The following TENT5D variants were observed in gnomAD, a reference collection of about 807,000 sequenced individuals.
TENT5D encodes the protein cancer/testis antigen 112.
For synonymous variants in TENT5D, 103 were observed against 100.6 expected (o/e 1.02, Z -0.15); for missense variants, 191 against 287.0 (o/e 0.67, Z 2.42).
intron 3 of TENT5D, chrX:80,342,601 AT>A (rs1361002514): frequency 2.7e-5 from 3 of 112,575 alleles, no homozygotes; most frequent in Non-Finnish European, 3.8e-5. Flanking sequence ...AAATTTTTAA[AT>A]TGGAGGAATA....
chrX:80,397,790 G>T (rs1040729298), intron 3 of TENT5D, among the ~76,000 whole-genome samples: 1 of 112,385 alleles, frequency 8.9e-6, no homozygotes, highest in African/African-American at 3.2e-5. Flanking sequence ...CAAGTCAGGC[G>T]TGGCGGCGCG....
At chrX:80,341,772 C>T (rs779484747) in intron 2 of TENT5D, among the ~76,000 whole-genome samples, 145 of 96,532 alleles carry the variant, frequency 1.5e-3, no homozygotes, top group African/African-American at 5.4e-3. Context: ...AGTGCAGTGG[C>T]GCGATCTCGG....
chrX:80,397,298 C>T (rs1417041747), intron 3 of TENT5D, among the ~76,000 whole-genome samples: 8 of 104,661 alleles, frequency 7.6e-5, no homozygotes, highest in South Asian at 9.0e-4. Context: ...GACGGGGTGG[C>T]GGGGCAGAGG....
At chrX:80,411,025 A>T (rs1368840866) in intron 3 of TENT5D, among the ~76,000 whole-genome samples, 24 of 99,296 alleles carry the variant, frequency 2.4e-4, no homozygotes, top group Non-Finnish European at 1.6e-4. Flanking sequence ...ATTCTCACTC[A>T]TAGGTGGGAA....
intron 1 of TENT5D, among the ~76,000 whole-genome samples, chrX:80,433,048 T>C (rs1932117163): frequency 9.0e-6 from 1 of 111,031 alleles, no homozygotes; most frequent in Admixed American, 9.6e-5. Flanking sequence ...GAACTGATGA[T>C]TCATAGAGAC....
chrX:80,343,009 A>G (rs191550362), intron 3 of TENT5D, among the ~76,000 whole-genome samples: 2 of 110,812 alleles, frequency 1.8e-5, no homozygotes, highest in African/African-American at 6.6e-5. Context: ...CTTTTAAGTC[A>G]ACTTTATAAA....
intron 1 of TENT5D, among the ~76,000 whole-genome samples, chrX:80,437,704 C>G (rs761022594): frequency 9.0e-6 from 1 of 111,401 alleles, no homozygotes; most frequent in East Asian, 2.8e-4. Flanking sequence ...TTAATATTCT[C>G]TCTTGGAAAC....
chrX:80,369,008 T>C (rs181123617), intron 3 of TENT5D, among the ~76,000 whole-genome samples: 239 of 111,957 alleles, frequency 2.1e-3, no homozygotes, highest in African/African-American at 7.3e-3. Context: ...TCAGCTCTTA[T>C]TTTTTTGCCA....
intron 3 of TENT5D, among the ~76,000 whole-genome samples, chrX:80,364,989 A>C (rs1193102715): frequency 9.1e-6 from 1 of 110,326 alleles, no homozygotes; most frequent in Non-Finnish European, 1.9e-5. Context: ...CTTTATCAGG[A>C]TGGAGAGCAT....
exon 3 of TENT5D, chrX:80,442,615 C>G: frequency 8.3e-7 from 1 of 1,209,780 alleles, no homozygotes; most frequent in Non-Finnish European, 1.1e-6. Context: ...TGAAGTAATT[C>G]CAATTCATGG....
rs779647992 is a variant in TENT5D at position 80,347,222 on chromosome X, T to C, written c.-142+4658T>C. ...ATGGTATTGCTGGGTCAAATGGTAT[T>C]CCTGGTTCTAGATCCTTGAGGAATT... On this transcript the variant is annotated intron_variant, in intron 3 of 4. Transcript: ENST00000538312. Among the ~76,000 whole-genome samples the C allele has an allele frequency of 4.1e-4, 46 of 111,736 alleles. 1 individual carries two copies. Among genetic ancestry groups the C allele is most frequent in the African/African-American group, 1.5e-3 (45 of 30,737 alleles).
At chrX:80,417,618 T>C (rs1429058644), upstream of TENT5D, among the ~76,000 whole-genome samples, 1 of 111,529 alleles carries the variant, frequency 9.0e-6, no homozygotes, top group Non-Finnish European at 1.9e-5. Context: ...TTTATTTAAG[T>C]ATGCCGAATA....
chrX:80,407,173 T>G (rs1236594358), intron 3 of TENT5D, among the ~76,000 whole-genome samples: 3 of 105,840 alleles, frequency 2.8e-5, no homozygotes, highest in African/African-American at 1.0e-4. Context: ...CCATCGAGAC[T>G]AGGAAGAAAC....
chrX:80,438,827 G>A (rs749282131), intron 2 of TENT5D, 95 bp downstream of exon 2: 8 of 110,678 alleles, frequency 7.2e-5, no homozygotes, highest in Admixed American at 3.9e-4. Flanking sequence ...GTTTCCCATC[G>A]TCAAAGGGAA....
intron 3 of TENT5D, among the ~76,000 whole-genome samples, chrX:80,395,187 A>G (rs1034172429): frequency 1.8e-5 from 2 of 112,093 alleles, no homozygotes; most frequent in Non-Finnish European, 3.8e-5. Flanking sequence ...GTTGTTGCAA[A>G]TGACAAGTTT....
intron 3 of TENT5D, among the ~76,000 whole-genome samples, chrX:80,400,783 C>T (rs1336938981): frequency 1.8e-5 from 2 of 111,586 alleles, no homozygotes; most frequent in South Asian, 7.5e-4. Context: ...TTATGGCATT[C>T]GGAATTGTGT....
chrX:80,352,739 A>G (rs1224415895), intron 3 of TENT5D, among the ~76,000 whole-genome samples: 1 of 107,724 alleles, frequency 9.3e-6, no homozygotes, highest in Non-Finnish European at 1.9e-5. Context: ...AAAAAAAAAA[A>G]AAAAAAACTC....
At chrX:80,358,239 C>T (rs1391390307) in intron 3 of TENT5D, among the ~76,000 whole-genome samples, 2 of 111,137 alleles carry the variant, frequency 1.8e-5, no homozygotes, top group East Asian at 5.7e-4. Context: ...CAATACCATT[C>T]AGGACATAGG....
chrX:80,376,639 C>T (rs745865148), intron 3 of TENT5D, among the ~76,000 whole-genome samples: 44 of 111,325 alleles, frequency 4.0e-4, no homozygotes, highest in African/African-American at 1.4e-3. Flanking sequence ...TGGATTTTAG[C>T]TCTCCCCATG....
Sources: allele counts gnomAD v4.1 joint callset (sites outside exome capture counted in the v4.1 genomes callset), GRCh38; gene constraint gnomAD v4.1.1; transcripts MANE v1.5; gene names NCBI Gene and HGNC (gene_info 2026-07-23, HGNC 2026-07-21).